POR: variants seen among roughly 807,000 people sequenced by gnomAD.
POR encodes cytochrome p450 oxidoreductase.
In POR, 56 loss-of-function variants were observed where a neutral mutation model predicts 84.0. The observed-to-expected ratio is 0.67, with a 90% confidence interval of 0.54 to 0.83. The LOEUF (loss-of-function observed/expected upper bound fraction) is 0.83. Among genes scored for constraint, POR ranks in the 40% least tolerant of loss-of-function variants. The pLI is 0.00. For synonymous variants in POR, 414 were observed against 400.5 expected (o/e 1.03, Z -0.40); for missense variants, 938 against 944.3 (o/e 0.99, Z 0.09).
At chr7:75,979,958 T>C (rs1788918010) in intron 4 of POR, among the ~76,000 whole-genome samples, 1 of 152,190 alleles carries the variant, frequency 6.6e-6, no homozygotes, top group African/African-American at 2.4e-5. Flanking sequence ...TTGCAGTTGA[T>C]GAACAGTTTA....
chr7:75,918,886 A>G (rs1806710736), intron 1 of POR, among the ~76,000 whole-genome samples: 1 of 151,008 alleles, frequency 6.6e-6, no homozygotes, highest in South Asian at 2.1e-4. Context: ...TGTAGATTGC[A>G]TGAGGCTGAG....
chr7:75,968,079 G>C (rs1554555564), intron 2 of POR: 1 of 455,352 alleles, frequency 2.2e-6, no homozygotes, highest in Non-Finnish European at 4.4e-6. Context: ...AGAGTGAGAA[G>C]CCATGGGGTG....
chr7:75,971,245 G>C (rs1585119958), intron 2 of POR, among the ~76,000 whole-genome samples: 1 of 152,076 alleles, frequency 6.6e-6, no homozygotes, highest in East Asian at 1.9e-4. Flanking sequence ...ACGTGCATGA[G>C]CCACTATGCC....
chr7:75,952,373 G>A (rs1365904586), intron 1 of POR, among the ~76,000 whole-genome samples: 1 of 129,194 alleles, frequency 7.7e-6, no homozygotes, highest in Non-Finnish European at 1.6e-5. Flanking sequence ...GGGCAGAGGC[G>A]CCCCTCACCT....
intron 1 of POR, 136 bp downstream of exon 1, chr7:75,915,315 C>G (rs1806493564): frequency 6.6e-6 from 1 of 152,478 alleles, no homozygotes; most frequent in African/African-American, 2.4e-5. Context: ...GGGCACTGCG[C>G]GTCTGGCCCG....
chr7:75,963,818 G>A (rs1554554820), intron 2 of POR, among the ~76,000 whole-genome samples: 1 of 152,086 alleles, frequency 6.6e-6, no homozygotes, highest in East Asian at 1.9e-4. Context: ...GGGGTCAGAG[G>A]TCATAAAAGG....
chr7:75,971,400 C>T (rs1453138120), intron 2 of POR, among the ~76,000 whole-genome samples: 1 of 152,122 alleles, frequency 6.6e-6, no homozygotes, highest in Non-Finnish European at 1.5e-5. Flanking sequence ...TTTTCACCTC[C>T]TTCAGCTTGA....
chr7:75,960,565 C>G (rs2116461879), intron 2 of POR, among the ~76,000 whole-genome samples: 1 of 152,192 alleles, frequency 6.6e-6, no homozygotes, highest in East Asian at 1.9e-4. Flanking sequence ...CCTGCCTCAG[C>G]CTTGCAAAGT....
chr7:75,981,185 C>T lies in POR; in HGVS notation c.641+13C>T. The stretch of plus-strand genomic sequence containing the variant: ...ACGACGATGGGAAGTGAGTGCCCAC[C>T]CTGCCACCATGATCAGCGCGGCGGG... On this transcript the variant is annotated intron_variant, in intron 6 of 15. Coordinates refer to ENST00000461988, the MANE Select transcript of POR (RefSeq NM_000941.3). The T allele has an allele frequency of 6.5e-7, 1 of 1,530,242 alleles. No individual in the cohort carries two copies. Among genetic ancestry groups the T allele is most frequent in the Non-Finnish European group, 8.8e-7 (1 of 1,134,486 alleles). 94.8% of individuals were successfully genotyped at this position (1,530,242 alleles called of 1,614,324 possible). A position where few individuals can be genotyped will look rare whatever the true frequency, so the allele number is the denominator to read the frequency against.
At position 75,984,968 on chromosome 7, in the gene POR, C is replaced by A; in HGVS notation, c.1248+10C>A. On this transcript the variant is annotated intron_variant, in intron 11 of 15. Coordinates refer to ENST00000461988, the MANE Select transcript of POR (RefSeq NM_000941.3). ...CTCCGGCGAGGGCAAGGTGCGCCCC[C>A]TCAGCCCCCGCAACCTCCGCCCCGT... The A allele has an allele frequency of 1.3e-6, 2 of 1,582,402 alleles. No individual in the cohort carries two copies. Among genetic ancestry groups the A allele is most frequent in the Non-Finnish European group, 1.7e-6 (2 of 1,162,848 alleles).
chr7:75,969,930 T>G (rs1321684518), intron 2 of POR, among the ~76,000 whole-genome samples: 13 of 152,134 alleles, frequency 8.5e-5, no homozygotes, highest in Admixed American at 7.9e-4. Flanking sequence ...CCAGTGTGTG[T>G]GCCACAGCGA....
In POR at chr7:75,979,765, C is replaced by G. The variant is rs72553999; in HGVS notation, c.366+186C>G. 14 of 767,042 alleles carry G rather than the reference C, an allele frequency of 1.8e-5. No homozygotes were observed. In the African/African-American group the frequency reaches 1.9e-4, roughly 11 times the overall value. 47.5% of individuals were successfully genotyped at this position (767,042 alleles called of 1,614,324 possible). On this transcript the variant is annotated intron_variant, in intron 4 of 15. Coordinates refer to ENST00000461988, the MANE Select transcript of POR (RefSeq NM_000941.3). ...CGGGCTGACTGACGGAAGGGCCATTCCTGCAGTTGCAGCCACGTGCCAGGC... is the reference window on the plus strand; with the variant it reads ...CGGGCTGACTGACGGAAGGGCCATTGCTGCAGTTGCAGCCACGTGCCAGGC...
intron 5 of POR, 53 bp from the exon 6 acceptor site, chr7:75,980,995 C>A: frequency 6.7e-7 from 1 of 1,503,168 alleles, no homozygotes; most frequent in South Asian, 1.3e-5. Context: ...CATGGCCCCT[C>A]CCACTGGTCA....
In POR at chr7:75,986,686, T is replaced by TGCATGGGG. The variant is rs1789496783; in HGVS notation, c.*209_*216dup. 3.1e-6 allele frequency: 2 copies of TGCATGGGG among 645,818 alleles called. No individual in the cohort carries two copies. The highest frequency in any genetic ancestry group is 5.2e-6 in the Non-Finnish European group (2 of 381,094). The allele number at this position is 645,818 out of a possible 1,614,324, so 40.0% of individuals were successfully genotyped here. ...GCCCCTGGCAGCACAGCCCAGGGCCTGCATGGGGGCACCGGGCTCCATGCC... is the reference window on the plus strand; with the variant it reads ...GCCCCTGGCAGCACAGCCCAGGGCCTGCATGGGGGCATGGGGGCACCGGGCTCCATGCC... On this transcript the variant is annotated 3_prime_UTR_variant, in exon 16 of 16. Coordinates refer to ENST00000461988, the MANE Select transcript of POR (RefSeq NM_000941.3).
intron 2 of POR, among the ~76,000 whole-genome samples, chr7:75,954,934 C>G (rs562669801): frequency 6.6e-6 from 1 of 152,224 alleles, no homozygotes; most frequent in South Asian, 2.1e-4. Flanking sequence ...TCTCAAACTC[C>G]TGACCTCAAG....
chr7:75,935,537 C>A (rs936737783), intron 1 of POR, among the ~76,000 whole-genome samples: 23 of 151,572 alleles, frequency 1.5e-4, no homozygotes, highest in African/African-American at 5.6e-4. Context: ...TGAGCCACTG[C>A]GCCTGGCTGG....
In POR at chr7:75,981,255, G is replaced by C. The variant is rs1789024252; in HGVS notation, c.641+83G>C. The C allele has an allele frequency of 5.5e-6, 8 of 1,458,740 alleles. No individual in the cohort carries two copies. The East Asian group carries it at 2.0e-4, about 36-fold the overall frequency. 90.4% of individuals were successfully genotyped at this position (1,458,740 alleles called of 1,614,324 possible). ...ACGTGAGGGGCGCGCACACCATTGT[G>C]TCAGCTGAGACTCAGCGACACGCAC... On this transcript the variant is annotated intron_variant, in intron 6 of 15. Coordinates refer to ENST00000461988, the MANE Select transcript of POR (RefSeq NM_000941.3).
At position 75,986,161 on chromosome 7, in the gene POR, C is replaced by G. The variant is rs1307427386; in HGVS notation, c.1818C>G (p.Val606=). 1.1e-5 allele frequency: 17 copies of G among 1,610,076 alleles called. No homozygotes were observed. Among genetic ancestry groups the G allele is most frequent in the Non-Finnish European group, 1.4e-5 (17 of 1,178,718 alleles). Residue 606 remains valine, a splice_region_variant and synonymous_variant, in exon 15 of 16, where the codon GTC becomes GTG. Coordinates refer to ENST00000461988, the MANE Select transcript of POR (RefSeq NM_000941.3). ...CACAGCACCACCCTTGGCCCCAGGTCTACGTCCAGCACCTGCTAAAGCAAG... is the reference window on the plus strand; with the variant it reads ...CACAGCACCACCCTTGGCCCCAGGTGTACGTCCAGCACCTGCTAAAGCAAG...
intron 1 of POR, among the ~76,000 whole-genome samples, chr7:75,917,386 T>C (rs551858598): frequency 0.01 from 1,485 of 145,852 alleles, 32 homozygotes; most frequent in African/African-American, 0.033. Flanking sequence ...TCTTCTTCTT[T>C]TTTTTTTTTT....
Sources: allele counts gnomAD v4.1 joint callset (sites outside exome capture counted in the v4.1 genomes callset), GRCh38; gene constraint gnomAD v4.1.1; transcripts MANE v1.5; gene names NCBI Gene and HGNC (gene_info 2026-07-23, HGNC 2026-07-21).